The following GCN1 variants were observed in gnomAD, a reference collection of about 807,000 sequenced individuals.
GCN1 encodes GCN1 activator of EIF2AK4.
Under a neutral mutation model 288.4 loss-of-function variants are expected in GCN1, and 90 were observed. The ratio of observed to expected loss-of-function variants is 0.31; its 90% confidence interval spans 0.26 to 0.37. The LOEUF (loss-of-function observed/expected upper bound fraction) is 0.37. Among genes scored for constraint, GCN1 ranks in the 10% least tolerant of loss-of-function variants. The pLI is 1.00. For synonymous variants in GCN1, 1,386 were observed against 1,420.2 expected (o/e 0.98, Z 0.54); for missense variants, 2,586 against 3,419.9 (o/e 0.76, Z 6.08).
Position 120,147,243 on chromosome 12 carries a change from T to C in GCN1, c.4756A>G (p.Thr1586Ala), listed in dbSNP as rs763835907. 3 of 1,606,876 alleles carry C rather than the reference T, an allele frequency of 1.9e-6. No homozygotes were observed. In the South Asian group the frequency reaches 3.3e-5, roughly 18 times the overall value. ...TTCTGGGTCTTCCTGGAGGGATCCG[T>C]CAGGGCATCCAGGAGGACTGGAGCA... ...AIAPVLLDAL[T>A]DPSRKTQKCL... The change falls in exon 38 of 58, where the codon ACG becomes GCG. Residue 1586 changes from threonine to alanine, a missense_variant. Thr to Ala is a moderately conservative substitution (Grantham distance 58, BLOSUM62 0). Coordinates refer to ENST00000300648, the MANE Select transcript of GCN1 (RefSeq NM_006836.2).
chr12:120,127,803 T>G lies in GCN1; in HGVS notation c.*46A>C, dbSNP rs771879340. 6.3e-7 allele frequency: 1 copy of G among 1,588,952 alleles called. No homozygotes were observed. ...AAATGTATTTTCAAAAATGAAAACA[T>G]TGAGCAAAGATGTGGAGCGGCAATG... On this transcript the variant is annotated 3_prime_UTR_variant, in exon 58 of 58. Coordinates refer to ENST00000300648, the MANE Select transcript of GCN1 (RefSeq NM_006836.2).
intron 45 of GCN1, among the ~76,000 whole-genome samples, chr12:120,139,554 G>T (rs946123739): frequency 8.6e-5 from 13 of 151,962 alleles, no homozygotes; most frequent in Admixed American, 8.5e-4. Context: ...CTTGAGCCCA[G>T]AAGGTCAAGG....
At chr12:120,184,054 A>G in intron 4 of GCN1, 58 bp downstream of exon 4, 1 of 1,474,456 alleles carries the variant, frequency 6.8e-7, no homozygotes, top group South Asian at 1.3e-5. Flanking sequence ...CAACTGCATC[A>G]GCTTCTCCTG....
chr12:120,168,341 C>T (rs770602851), intron 15 of GCN1, 41 bp from the exon 16 acceptor site: 4 of 1,169,614 alleles, frequency 3.4e-6, no homozygotes, highest in African/African-American at 1.5e-5. Context: ...CAGCTCACCA[C>T]ATCCCCCAGA....
chr12:120,183,873 T>C (rs1423787294), intron 4 of GCN1, among the ~76,000 whole-genome samples, 196 bp from the exon 5 acceptor site: 1 of 152,242 alleles, frequency 6.6e-6, no homozygotes, highest in African/African-American at 2.4e-5. Context: ...CTCCCATCTC[T>C]TGGCACTGAC....
rs1023036872 is a variant in GCN1, at chr12:120,147,206, G to T, written c.4793C>A (p.Thr1598Asn). 3 of 1,613,182 alleles carry T rather than the reference G, an allele frequency of 1.9e-6. No homozygotes were observed. The highest frequency in any genetic ancestry group is 1.3e-5 in the African/African-American group (1 of 74,928). The change falls in exon 38 of 58, where the codon ACC becomes AAC. Residue 1598 changes from threonine (T) to asparagine (N), a missense_variant. Around this residue, in one of 8 missense-constraint regions of GCN1, gnomAD observed 371 missense variants for 572.6 expected, o/e 0.65. Coordinates refer to ENST00000300648, the MANE Select transcript of GCN1 (RefSeq NM_006836.2). ...GTGGACAAACTTGGTGTCCAGCAGG[G>T]TCTGCAAGCACTTCTGGGTCTTCCT... ...PSRKTQKCLQTLLDTKFVHFI... is the reference protein window; with the variant it reads ...PSRKTQKCLQNLLDTKFVHFI...
In GCN1 at chr12:120,147,300, A is replaced by C. The variant is rs529546731; in HGVS notation, c.4727-28T>G. The C allele has an allele frequency of 7.4e-5, 102 of 1,379,466 alleles. 2 individuals carry two copies. The South Asian group carries it at 1.2e-3, about 17-fold the overall frequency. 85.5% of individuals were successfully genotyped at this position (1,379,466 alleles called of 1,614,324 possible). A position where few individuals can be genotyped will look rare whatever the true frequency, so the allele number is the denominator to read the frequency against. On this transcript the variant is annotated intron_variant, in intron 37 of 57. Transcript: ENST00000300648. Reference sequence around the variant, plus strand: ...GCACATCCAAAGAGAAGAGAGCTGGATGATATACATCTATGCAGCTGCAAG... The same window carrying C: ...GCACATCCAAAGAGAAGAGAGCTGGCTGATATACATCTATGCAGCTGCAAG...
chr12:120,161,650 G>T, intron 21 of GCN1, 67 bp from the exon 22 acceptor site: 3 of 1,191,384 alleles, frequency 2.5e-6, no homozygotes, highest in Non-Finnish European at 2.5e-6. Context: ...CCTCCCGCCA[G>T]CCATGCAATT....
At chr12:120,150,076 A>G (rs1287496128) in intron 34 of GCN1, 33 bp from the exon 35 acceptor site, 2 of 1,611,186 alleles carry the variant, frequency 1.2e-6, no homozygotes, top group Non-Finnish European at 1.7e-6. Context: ...GGCTGGGAAG[A>G]GAATGTCCCC....
At chr12:120,149,893 C>T in intron 35 of GCN1, 29 bp downstream of exon 35, 2 of 1,613,754 alleles carry the variant, frequency 1.2e-6, no homozygotes, top group Non-Finnish European at 1.7e-6. Flanking sequence ...AGTTTCCATG[C>T]TGTTCTCCCG....
At chr12:120,172,156 G>A (rs1386447832) in intron 14 of GCN1, among the ~76,000 whole-genome samples, 6 of 152,122 alleles carry the variant, frequency 3.9e-5, no homozygotes, top group South Asian at 2.1e-4. Context: ...GAGCCAGCTC[G>A]CCTGCCTCAT....
rs769320865 is a variant in GCN1 at position 120,137,212 on chromosome 12, C to T, written c.6771G>A (p.Pro2257=). The T allele has an allele frequency of 1.4e-5, 22 of 1,612,844 alleles. No individual in the cohort carries two copies. Among genetic ancestry groups the T allele is most frequent in the East Asian group, 2.2e-5 (1 of 44,892 alleles). ...GCACGAGGCCCTGGCTTACCTTCTT[C>T]GGGAGGCAGAATCCTGGCACATGCT... The part of the protein sequence containing the change: ...KGEHVPGFCL[P]KKGVTSILPV... Residue 2257 remains proline (P), a synonymous_variant, in exon 50 of 58, where the codon CCG becomes CCA. Coordinates refer to ENST00000300648, the MANE Select transcript of GCN1 (RefSeq NM_006836.2). This position sits in a 1 kb window ranked among gnomAD's most constrained non-coding sequence, Gnocchi z 5.2.
chr12:120,194,609 G>A, intron 1 of GCN1, 71 bp downstream of exon 1: 2 of 1,410,060 alleles, frequency 1.4e-6, no homozygotes, highest in Non-Finnish European at 1.9e-6. Context: ...AGGAGCGAGA[G>A]GGGCCCCGCC....
chr12:120,130,050 G>A (rs1876765566), intron 56 of GCN1, among the ~76,000 whole-genome samples: 1 of 152,184 alleles, frequency 6.6e-6, no homozygotes, highest in Non-Finnish European at 1.5e-5. Flanking sequence ...GTCACTCTTG[G>A]GAACCTCATT....
chr12:120,186,449 G>A (rs370199341), intron 2 of GCN1, among the ~76,000 whole-genome samples: 1 of 152,212 alleles, frequency 6.6e-6, no homozygotes, highest in East Asian at 1.9e-4. Context: ...AGTGAAGCAC[G>A]CAAACAAAAG....
chr12:120,167,383 G>A (rs887680198), intron 16 of GCN1, among the ~76,000 whole-genome samples: 6 of 148,126 alleles, frequency 4.1e-5, no homozygotes, highest in Non-Finnish European at 4.5e-5. Flanking sequence ...GAATGATGAA[G>A]TTCATTATAT....
intron 45 of GCN1, among the ~76,000 whole-genome samples, chr12:120,139,400 G>A (rs1354389648): frequency 6.6e-6 from 1 of 152,086 alleles, no homozygotes; most frequent in Non-Finnish European, 1.5e-5. Context: ...GTGGAGGCAA[G>A]AGAATCACTT....
chr12:120,170,463 G>A, intron 14 of GCN1, 142 bp from the exon 15 acceptor site: 2 of 727,660 alleles, frequency 2.7e-6, no homozygotes, highest in South Asian at 3.8e-5. Context: ...AAGAAGTGAA[G>A]TGAAATCAAA....
At position 120,137,623 on chromosome 12, in the gene GCN1, C is replaced by T. The variant is rs368250800; in HGVS notation, c.6585G>A (p.Ser2195=). 9.9e-6 allele frequency: 16 copies of T among 1,614,054 alleles called. No individual in the cohort carries two copies. The highest frequency in any genetic ancestry group is 2.7e-5 in the African/African-American group (2 of 74,920). The change falls in exon 49 of 58, where the codon TCG becomes TCA. Residue 2195 remains serine (S), a synonymous_variant. Coordinates refer to ENST00000300648, the MANE Select transcript of GCN1 (RefSeq NM_006836.2). This position sits in a 1 kb window ranked among gnomAD's most constrained non-coding sequence, Gnocchi z 5.2. ...AGTCATTGAAGAGGCGGATCAGGCC[C>T]GAGACCAGGCTCCGCAGGTGGCTGG... ...DYTSHLRSLV[S]GLIRLFNDSS...
Sources: gnomAD v4.1 joint callset for allele counts (sites outside exome capture counted in the v4.1 genomes callset) on GRCh38, gnomAD v4.1.1 for gene constraint, gnomAD v4.1.1 regional missense constraint, Gnocchi (gnomAD v3.1) non-coding constraint, MANE v1.5 for transcripts, NCBI Gene and HGNC (gene_info 2026-07-23, HGNC 2026-07-21) for gene names.